ALDH1L1: variants seen among roughly 807,000 people sequenced by gnomAD.
ALDH1L1 encodes aldehyde dehydrogenase 1 family member L1.
ALDH1L1 carries 68 observed loss-of-function variants against 101.1 expected under a neutral mutation model. That is an observed-to-expected ratio of 0.67 (90% CI 0.55 to 0.82). The LOEUF (loss-of-function observed/expected upper bound fraction) is 0.82. ALDH1L1 is among the 40% of genes least tolerant of loss of function. The pLI is 0.00. For missense variants in ALDH1L1, 1,087 were observed against 1,172.7 expected (o/e 0.93, Z 1.07); for synonymous variants, 486 against 470.8 (o/e 1.03, Z -0.42).
intron 1 of ALDH1L1, among the ~76,000 whole-genome samples, chr3:126,172,756 A>AC (rs751360112): frequency 6.6e-6 from 1 of 151,568 alleles, no homozygotes. Flanking sequence ...GATAAAGATC[A>AC]CCCCCCACCC....
rs199746085 is a variant in ALDH1L1 at position 126,131,563 on chromosome 3, G to A, written c.1473-29C>T. The A allele has an allele frequency of 5.0e-6, 8 of 1,591,960 alleles. No homozygotes were observed. The Admixed American group carries it at 8.4e-5, about 17-fold the overall frequency. ...ACCAGGGTGAGGGGAAGCGGGAGGT[G>A]GGCTCAGGCCTGGCACGGCCTCATC... On this transcript the variant is annotated intron_variant, in intron 12 of 22. Transcript: ENST00000393434.
In ALDH1L1 at chr3:126,136,829, C is replaced by T. The variant is rs1191692764; in HGVS notation, c.1279G>A (p.Gly427Arg). 4 of 1,610,600 alleles carry T rather than the reference C, an allele frequency of 2.5e-6. No individual in the cohort carries two copies. In the Admixed American group the frequency reaches 5.0e-5, roughly 20 times the overall value. The change falls in exon 11 of 23, where the codon GGG (glycine) becomes AGG (arginine). Residue 427 changes from glycine (G) to arginine (R), a missense_variant. Around this residue, in one of 2 missense-constraint regions of ALDH1L1, gnomAD observed 645 missense variants for 637.0 expected, o/e 1.01. Coordinates refer to ENST00000393434, the MANE Select transcript of ALDH1L1 (RefSeq NM_012190.4). The part of the protein sequence containing the change: ...TVRMPHQLFI[G>R]GEFVDAEGAK... ...CCCTCGGCATCCACGAACTCCCCCCCAATGAAGAGCTGGTGGGGCATGCGG... is the reference window on the plus strand; with the variant it reads ...CCCTCGGCATCCACGAACTCCCCCCTAATGAAGAGCTGGTGGGGCATGCGG...
intron 21 of ALDH1L1, 137 bp from the exon 22 acceptor site, chr3:126,106,062 G>A (rs1240389144): frequency 1.1e-5 from 10 of 900,744 alleles, no homozygotes; most frequent in East Asian, 2.6e-5. Context: ...CAGCGCCGGG[G>A]GCAAGATTGG....
intron 1 of ALDH1L1, among the ~76,000 whole-genome samples, chr3:126,161,862 C>T (rs902509774): frequency 1.3e-5 from 2 of 152,134 alleles, no homozygotes; most frequent in Non-Finnish European, 2.9e-5. Flanking sequence ...TCCAGGAACT[C>T]TTTGAGCCTC....
At chr3:126,123,118 C>T (rs2080109871) in intron 16 of ALDH1L1, among the ~76,000 whole-genome samples, 1 of 152,158 alleles carries the variant, frequency 6.6e-6, no homozygotes, top group African/African-American at 2.4e-5. Context: ...ATCATGTCAA[C>T]AGCAACCATT....
chr3:126,124,110 G>GACACACACACACACACACACACAC (rs3841921), intron 16 of ALDH1L1, among the ~76,000 whole-genome samples: 47 of 148,894 alleles, frequency 3.2e-4, no homozygotes, highest in African/African-American at 1.0e-3. Context: ...AGGGCGCGCG[G>GACACACACACACACACACACACAC]ACACACACAC....
At position 126,136,765 on chromosome 3, in the gene ALDH1L1, C is replaced by T. The variant is rs9282697; in HGVS notation, c.1343G>A (p.Ser448Asn). 356 of 1,568,340 alleles carry T rather than the reference C, an allele frequency of 2.3e-4. 2 individuals carry two copies. The African/African-American group carries it at 4.5e-3, about 20-fold the overall frequency. ...AAGGGGTGCTGGGCCTGCACTCACACTTCCATCGGTGGGATTGATGGTCTC... is the reference window on the plus strand; with the variant it reads ...AAGGGGTGCTGGGCCTGCACTCACATTTCCATCGGTGGGATTGATGGTCTC... ...TSETINPTDG[S>N]VICQVSLAQV... The change falls in exon 11 of 23, where the codon AGT becomes AAT. Residue 448 changes from serine (S) to asparagine (N), a missense_variant and splice_region_variant. Physicochemically the swap from Ser to Asn is conservative, Grantham distance 46 (BLOSUM62 1). This residue lies in a region of ALDH1L1 where 645 missense variants were observed against 637.0 expected (regional missense o/e 1.01). Transcript: ENST00000393434.
intron 6 of ALDH1L1, 109 bp downstream of exon 6, chr3:126,154,445 A>T: frequency 8.7e-7 from 1 of 1,153,282 alleles, no homozygotes; most frequent in Non-Finnish European, 1.3e-6. Flanking sequence ...AGTAGGGGCC[A>T]GGGCAGTAGC....
At chr3:126,118,807 C>T (rs1407826918) in intron 16 of ALDH1L1, among the ~76,000 whole-genome samples, 1 of 152,126 alleles carries the variant, frequency 6.6e-6, no homozygotes, top group African/African-American at 2.4e-5. Flanking sequence ...GCCACAGAGG[C>T]CTTGCCACCT....
intron 17 of ALDH1L1, among the ~76,000 whole-genome samples, 187 bp downstream of exon 17, chr3:126,117,818 C>T (rs2080000870): frequency 6.6e-6 from 1 of 152,198 alleles, no homozygotes; most frequent in East Asian, 1.9e-4. Context: ...AGGTCTCCGC[C>T]CAGGCCTCCC....
intron 21 of ALDH1L1, among the ~76,000 whole-genome samples, chr3:126,106,913 A>G (rs1380327199): frequency 1.3e-5 from 2 of 152,226 alleles, no homozygotes; most frequent in Non-Finnish European, 2.9e-5. Context: ...AAGGACAGGG[A>G]AGGGAGCTGC....
intron 12 of ALDH1L1, among the ~76,000 whole-genome samples, 180 bp from the exon 13 acceptor site, chr3:126,131,714 T>G (rs1559935260): frequency 6.6e-6 from 1 of 152,268 alleles, no homozygotes; most frequent in East Asian, 1.9e-4. Flanking sequence ...CTCCACCGGA[T>G]AGCTGTGAGG....
intron 16 of ALDH1L1, among the ~76,000 whole-genome samples, chr3:126,119,502 G>A (rs1282859436): frequency 2.0e-5 from 3 of 152,052 alleles, no homozygotes; most frequent in African/African-American, 7.3e-5. Flanking sequence ...CAGAGCTCCT[G>A]CACCTATCCA....
At chr3:126,131,283 T>G in intron 13 of ALDH1L1, 101 bp downstream of exon 13, 1 of 1,363,908 alleles carries the variant, frequency 7.3e-7, no homozygotes, top group Non-Finnish European at 9.8e-7. Context: ...GTTGTGGTCA[T>G]TTGCTGCGCA....
intron 19 of ALDH1L1, among the ~76,000 whole-genome samples, chr3:126,110,778 C>CTTTT (rs1268527696): frequency 3.9e-5 from 6 of 152,166 alleles, no homozygotes; most frequent in Admixed American, 3.9e-4. Flanking sequence ...AACCCGGTTG[C>CTTTT]TTTTGTTCCT....
At chr3:126,168,567 C>A (rs2081213807) in intron 1 of ALDH1L1, among the ~76,000 whole-genome samples, 1 of 152,046 alleles carries the variant, frequency 6.6e-6, no homozygotes, top group African/African-American at 2.4e-5. Context: ...TAACGGTAAT[C>A]TAAAATTCTA....
chr3:126,113,281 G>GGA (rs1946138887), intron 18 of ALDH1L1, among the ~76,000 whole-genome samples: 1 of 152,206 alleles, frequency 6.6e-6, no homozygotes, highest in African/African-American at 2.4e-5. Flanking sequence ...GGAGCTGACA[G>GGA]GAGAGATGCC....
At chr3:126,122,127 C>A (rs1318409451) in intron 16 of ALDH1L1, among the ~76,000 whole-genome samples, 1 of 152,086 alleles carries the variant, frequency 6.6e-6, no homozygotes, top group Non-Finnish European at 1.5e-5. Flanking sequence ...AAGGATATTG[C>A]CAGATAAACA....
intron 15 of ALDH1L1, among the ~76,000 whole-genome samples, chr3:126,124,804 T>C (rs2080149309): frequency 1.3e-5 from 2 of 152,248 alleles, no homozygotes; most frequent in African/African-American, 4.8e-5. Context: ...AATAAGCAAA[T>C]GTATGTAAAT....
Sources: gnomAD v4.1 joint callset for allele counts (sites outside exome capture counted in the v4.1 genomes callset) on GRCh38, gnomAD v4.1.1 for gene constraint, gnomAD v4.1.1 regional missense constraint, MANE v1.5 for transcripts, NCBI Gene and HGNC (gene_info 2026-07-23, HGNC 2026-07-21) for gene names.